Variants in SPON1 observed in about 807,000 individuals in gnomAD.
The protein encoded by SPON1 is spondin-1.
In SPON1, 52 loss-of-function variants were observed where a neutral mutation model predicts 111.7. That is an observed-to-expected ratio of 0.47 (90% CI 0.37 to 0.59). The LOEUF is 0.59. SPON1 is among the 20% of genes least tolerant of loss of function. The pLI is 0.00. For synonymous variants in SPON1, 410 were observed against 395.8 expected, an observed-to-expected ratio of 1.04 and a Z score of -0.43; for missense variants, 957 against 1,068.5, an observed-to-expected ratio of 0.90 and a Z score of 1.46.
intron 6 of SPON1, among the ~76,000 whole-genome samples, chr11:14,226,557 A>G (rs1848741781): frequency 1.3e-5 from 2 of 152,222 alleles, no homozygotes; most frequent in African/African-American, 4.8e-5. Flanking sequence ...TTCGACGTAC[A>G]ATTTTTACTG....
chr11:14,170,726 G>A (rs1848088560), intron 6 of SPON1, among the ~76,000 whole-genome samples: 1 of 152,060 alleles, frequency 6.6e-6, no homozygotes, highest in Non-Finnish European at 1.5e-5. Context: ...TTTGTCAAAG[G>A]CCTTTTCTGC....
chr11:14,175,980 C>G (rs782378688), intron 6 of SPON1, among the ~76,000 whole-genome samples: 30 of 152,170 alleles, frequency 2.0e-4, no homozygotes, highest in Non-Finnish European at 4.0e-4. Flanking sequence ...CACTATCAGC[C>G]TGGCAAAGCT....
At chr11:14,226,788 T>C (rs1554938180) in intron 6 of SPON1, among the ~76,000 whole-genome samples, 1 of 152,160 alleles carries the variant, frequency 6.6e-6, no homozygotes, top group Non-Finnish European at 1.5e-5. Context: ...TTCTGGAGGT[T>C]AGAAGTCCAA....
intron 5 of SPON1, among the ~76,000 whole-genome samples, chr11:14,085,278 G>A (rs1318751562): frequency 1.3e-5 from 2 of 152,088 alleles, no homozygotes; most frequent in African/African-American, 4.8e-5. Flanking sequence ...ATGCTTTTAG[G>A]TTTTACATTT....
rs1433312708 is a variant in SPON1, at chr11:14,259,461, G to GC, written c.1663+15dup. 2 of 1,602,388 alleles carry GC rather than the reference G, an allele frequency of 1.2e-6. No homozygotes were observed. Among genetic ancestry groups the GC allele is most frequent in the Non-Finnish European group, 1.7e-6 (2 of 1,174,624 alleles). ...TCAACGAGGAGTGCTGTGAGTGGGG[G>GC]CCCCGGGCGGGCAGGCGGGCAAGTA... On this transcript the variant is annotated intron_variant, in intron 12 of 15. Transcript: ENST00000576479. The surrounding 1 kb of genome is among the most constrained non-coding windows in gnomAD (Gnocchi z 5.0).
chr11:14,241,812 C>A (rs1848930167), intron 6 of SPON1, among the ~76,000 whole-genome samples: 1 of 152,192 alleles, frequency 6.6e-6, no homozygotes, highest in African/African-American at 2.4e-5. Context: ...AAATATATTT[C>A]TCAGAGCATG....
At chr11:14,145,354 AT>A (rs1237216236) in intron 6 of SPON1, among the ~76,000 whole-genome samples, 1 of 152,208 alleles carries the variant, frequency 6.6e-6, no homozygotes, top group African/African-American at 2.4e-5. Flanking sequence ...GAATCTCTGT[AT>A]GAGAGAAATG....
intron 3 of SPON1, among the ~76,000 whole-genome samples, chr11:14,070,385 G>GCTGA (rs1848865892): frequency 6.6e-6 from 1 of 152,170 alleles, no homozygotes. Context: ...GTCTGAAGCA[G>GCTGA]CTGACTAAGG....
intron 6 of SPON1, among the ~76,000 whole-genome samples, chr11:14,238,768 A>G (rs1848893091): frequency 6.6e-6 from 1 of 152,202 alleles, no homozygotes; most frequent in Non-Finnish European, 1.5e-5. Context: ...TCCCCACAAT[A>G]TGCTTACAAA....
At chr11:14,087,925 G>C (rs961880485) in intron 5 of SPON1, among the ~76,000 whole-genome samples, 7 of 152,016 alleles carry the variant, frequency 4.6e-5, no homozygotes, top group Non-Finnish European at 8.8e-5. Flanking sequence ...ATCTTTGTTG[G>C]TTTAAAGTCT....
chr11:14,200,244 C>T (rs1006644490), intron 6 of SPON1, among the ~76,000 whole-genome samples: 1 of 152,136 alleles, frequency 6.6e-6, no homozygotes, highest in South Asian at 2.1e-4. Context: ...AGGGAATAAG[C>T]TCCTTGAGAC....
intron 8 of SPON1, among the ~76,000 whole-genome samples, chr11:14,255,164 A>C (rs1230578769): frequency 6.6e-6 from 1 of 152,190 alleles, no homozygotes; most frequent in Non-Finnish European, 1.5e-5. Context: ...TCTGCCCTAC[A>C]ATGTGATTTG....
At chr11:14,230,006 C>CGG in intron 6 of SPON1, among the ~76,000 whole-genome samples, 1 of 150,282 alleles carries the variant, frequency 6.7e-6, no homozygotes, top group Non-Finnish European at 1.5e-5. Flanking sequence ...ATTCCTAGAA[C>CGG]GGACACCCTT....
At chr11:14,041,460 A>G in intron 2 of SPON1, 61 bp from the exon 3 acceptor site, 1 of 1,586,992 alleles carries the variant, frequency 6.3e-7, no homozygotes. Context: ...ACCAACTTAG[A>G]AGCTTAAGCG....
At position 14,055,815 on chromosome 11, in the gene SPON1, A is replaced by T. The variant is rs1477340270; in HGVS notation, c.479+14161A>T. On this transcript the variant is annotated intron_variant, in intron 3 of 15. Transcript: ENST00000576479. ...CAAAGTCCTCACAGAGATCCTACATAACTGGACTAAGGGTTGGCTGCTCTT... is the reference window on the plus strand; with the variant it reads ...CAAAGTCCTCACAGAGATCCTACATTACTGGACTAAGGGTTGGCTGCTCTT... Among the ~76,000 whole-genome samples, 3 of 152,184 alleles carry T rather than the reference A, an allele frequency of 2.0e-5. No individual in the cohort carries two copies. The East Asian group carries it at 5.8e-4, about 29-fold the overall frequency.
At chr11:13,979,576 G>T (rs1848128655) in intron 1 of SPON1, among the ~76,000 whole-genome samples, 1 of 152,104 alleles carries the variant, frequency 6.6e-6, no homozygotes, top group Non-Finnish European at 1.5e-5. Context: ...GGTCCCTTCA[G>T]GTAGTTTCAG....
In SPON1 at chr11:14,244,782, C is replaced by G. The variant is rs571287064; in HGVS notation, c.890+1386C>G. ...AAAAAAGAATCCAAATCTGTTGTGT[C>G]CTCTCCTTCTTCATCCCTCTGTGAC... On this transcript the variant is annotated intron_variant, in intron 7 of 15. Transcript: ENST00000576479. Among the ~76,000 whole-genome samples, 3 of 152,284 alleles carry G rather than the reference C, an allele frequency of 2.0e-5. No homozygotes were observed. In the East Asian group the frequency reaches 5.8e-4, roughly 29 times the overall value.
At chr11:14,148,810 GT>G (rs1847754837) in intron 6 of SPON1, among the ~76,000 whole-genome samples, 1 of 152,206 alleles carries the variant, frequency 6.6e-6, no homozygotes, top group African/African-American at 2.4e-5. Flanking sequence ...ACCAGATTGT[GT>G]CTCTGAGACA....
chr11:14,150,191 A>T (rs368136910), intron 6 of SPON1, among the ~76,000 whole-genome samples: 23 of 152,296 alleles, frequency 1.5e-4, no homozygotes, highest in African/African-American at 5.5e-4. Flanking sequence ...AGCTTGGTTG[A>T]CATTTTGTTA....
Sources: gnomAD v4.1 joint callset for allele counts (sites outside exome capture counted in the v4.1 genomes callset) on GRCh38, gnomAD v4.1.1 for gene constraint, Gnocchi (gnomAD v3.1) non-coding constraint, MANE v1.5 for transcripts, NCBI Gene and HGNC (gene_info 2026-07-23, HGNC 2026-07-21) for gene names.